Variants in MAPK6 observed in about 807,000 individuals in gnomAD.
MAPK6 encodes the protein ERK-3.
In MAPK6, 19 loss-of-function variants were observed where a neutral mutation model predicts 59.3. The observed-to-expected ratio is 0.32, with a 90% CI of 0.22 to 0.47. The LOEUF (loss-of-function observed/expected upper bound fraction) is 0.47, where lower values mean the gene tolerates loss of function less well. Among genes scored for constraint, MAPK6 ranks in the 20% least tolerant of loss-of-function variants. MAPK6 has a pLI of 1.00. For synonymous variants in MAPK6, 316 were observed against 290.3 expected, an observed-to-expected ratio of 1.09 and a Z score of -0.90; for missense variants, 724 against 847.9, an observed-to-expected ratio of 0.85 and a Z score of 1.81.
intron 1 of MAPK6, among the ~76,000 whole-genome samples, chr15:51,976,123 G>A (rs771982037): frequency 1.7e-4 from 26 of 149,314 alleles, no homozygotes; most frequent in Admixed American, 6.0e-4. Flanking sequence ...AAAATTTGCC[G>A]GGCGTGGTGG....
intron 3 of MAPK6, among the ~76,000 whole-genome samples, chr15:52,011,813 A>C (rs956617843): frequency 2.0e-5 from 3 of 152,222 alleles, no homozygotes; most frequent in African/African-American, 7.2e-5. Context: ...TTGTTTATTT[A>C]CAAATCAAAT....
intron 3 of MAPK6, among the ~76,000 whole-genome samples, chr15:52,052,334 C>T (rs1401313599): frequency 6.6e-6 from 1 of 152,174 alleles, no homozygotes; most frequent in African/African-American, 2.4e-5. Context: ...AATATGGTGG[C>T]TGGCTTCCTC....
chr15:52,013,668 T>C (rs1283062806), intron 3 of MAPK6, among the ~76,000 whole-genome samples: 1 of 152,152 alleles, frequency 6.6e-6, no homozygotes, highest in Non-Finnish European at 1.5e-5. Flanking sequence ...TCTCATGAGA[T>C]ACAGTTTGGT....
intron 3 of MAPK6, chr15:52,011,016 G>A (rs1184566714): frequency 6.6e-6 from 1 of 152,098 alleles, no homozygotes; most frequent in Admixed American, 6.6e-5. Flanking sequence ...CACAGATTCT[G>A]TTTGCAAATT....
chr15:52,050,087 C>T lies in MAPK6; in HGVS notation c.650C>T (p.Ala217Val). The T allele has an allele frequency of 6.2e-7, 1 of 1,612,796 alleles. No individual in the cohort carries two copies. ...TATACTAAAGCCATTGACATGTGGG[C>T]TGCAGGCTGCATCTTTGCTGAAATG... Reference protein sequence around the residue: ...NNYTKAIDMWAAGCIFAEMLT... With the variant: ...NNYTKAIDMWVAGCIFAEMLT... Residue 217 changes from alanine to valine, a missense_variant, in exon 3 of 6, where the codon GCT (alanine) becomes GTT (valine). Ala to Val is a moderately conservative substitution (Grantham distance 64). Around this residue, in one of 4 missense-constraint regions of MAPK6, gnomAD observed 105 missense variants for 191.9 expected, o/e 0.55. Coordinates refer to ENST00000261845, the MANE Select transcript of MAPK6 (RefSeq NM_002748.4).
At chr15:51,996,348 G>C (rs2057224158) in intron 2 of MAPK6, among the ~76,000 whole-genome samples, 2 of 152,170 alleles carry the variant, frequency 1.3e-5, no homozygotes, top group Non-Finnish European at 2.9e-5. Context: ...GTAATTCAGA[G>C]ACTTTGGCTG....
At chr15:52,051,681 C>G (rs1262457152) in intron 3 of MAPK6, among the ~76,000 whole-genome samples, 1 of 151,826 alleles carries the variant, frequency 6.6e-6, no homozygotes, top group African/African-American at 2.4e-5. Context: ...TGAGACCAGG[C>G]TTGCCAACAT....
At chr15:52,000,254 T>G (rs1394328452) in intron 2 of MAPK6, among the ~76,000 whole-genome samples, 1 of 152,214 alleles carries the variant, frequency 6.6e-6, no homozygotes, top group Non-Finnish European at 1.5e-5. Flanking sequence ...TTCACTTTCT[T>G]GATGGGGTCT....
chr15:51,987,672 C>A (rs1333495036), intron 2 of MAPK6, among the ~76,000 whole-genome samples: 1 of 151,972 alleles, frequency 6.6e-6, no homozygotes, highest in African/African-American at 2.4e-5. Flanking sequence ...CCTCCAGTCC[C>A]CTCACAGATT....
At chr15:52,047,410 A>G (rs1397071724) in intron 2 of MAPK6, among the ~76,000 whole-genome samples, 1 of 152,148 alleles carries the variant, frequency 6.6e-6, no homozygotes, top group Admixed American at 6.5e-5. Flanking sequence ...CTGTGGCGCC[A>G]TCTCGGCTCA....
At chr15:52,021,677 T>C (rs1595976240) in intron 1 of MAPK6, 1 of 152,294 alleles carries the variant, frequency 6.6e-6, no homozygotes, top group East Asian at 1.9e-4. Context: ...GATAGTACTT[T>C]TATGGTGTCG....
At chr15:52,022,181 A>C (rs2030561550) in intron 1 of MAPK6, among the ~76,000 whole-genome samples, 1 of 152,156 alleles carries the variant, frequency 6.6e-6, no homozygotes, top group South Asian at 2.1e-4. Flanking sequence ...AAAGAAAAAA[A>C]ATTTCCCACC....
At position 52,019,787 on chromosome 15, in the gene MAPK6, G is replaced by T. The variant is rs902022504; in HGVS notation, c.-632+411G>T. The T allele has an allele frequency of 3.3e-5, 5 of 152,306 alleles. No homozygotes were observed. The South Asian group carries it at 1.0e-3, about 32-fold the overall frequency. 9.4% of individuals were successfully genotyped at this position (152,306 alleles called of 1,614,324 possible). A position where few individuals can be genotyped will look rare whatever the true frequency, so the allele number is the denominator to read the frequency against. ...GGCTCCGCGGGTTCGAAACCCAGCC[G>T]GACCGGACCGGAGGGCGGGCGAGCG... is the stretch of plus-strand genomic sequence containing the variant. On this transcript the variant is annotated intron_variant, in intron 1 of 5. Coordinates refer to ENST00000261845, the MANE Select transcript of MAPK6 (RefSeq NM_002748.4).
chr15:52,003,840 T>G (rs1253008463), intron 2 of MAPK6, among the ~76,000 whole-genome samples: 1 of 152,206 alleles, frequency 6.6e-6, no homozygotes, highest in East Asian at 1.9e-4. Flanking sequence ...GCCAGAAGAA[T>G]TAGTGAGAGA....
intron 1 of MAPK6, among the ~76,000 whole-genome samples, chr15:52,033,210 T>C (rs2031107184): frequency 6.6e-6 from 1 of 152,174 alleles, no homozygotes; most frequent in African/African-American, 2.4e-5. Context: ...TCAACTTGAT[T>C]GGATTGAAGG....
At chr15:51,987,083 T>A (rs2057193152) in intron 2 of MAPK6, among the ~76,000 whole-genome samples, 2 of 152,178 alleles carry the variant, frequency 1.3e-5, no homozygotes, top group Non-Finnish European at 2.9e-5. Flanking sequence ...CAGAAAAAAA[T>A]CTGGACTATT....
upstream of MAPK6, chr15:52,018,811 A>G (rs1219281770): frequency 1.3e-5 from 2 of 152,338 alleles, no homozygotes; most frequent in Non-Finnish European, 2.9e-5. Context: ...ATTGGCCTCT[A>G]ACGCGTCTGT....
chr15:52,010,525 T>G (rs1022057776), intron 3 of MAPK6, among the ~76,000 whole-genome samples: 3 of 148,016 alleles, frequency 2.0e-5, no homozygotes, highest in African/African-American at 5.0e-5. Context: ...TTTTTTTTTT[T>G]TTTTTTTTTT....
Position 52,019,303 on chromosome 15 carries a change from A to G in MAPK6, c.-705A>G, listed in dbSNP as rs2030392773. 6.6e-6 allele frequency: 1 copy of G among 152,112 alleles called. No individual in the cohort carries two copies. The highest frequency in any genetic ancestry group is 2.4e-5 in the African/African-American group (1 of 41,374). 9.4% of individuals were successfully genotyped at this position (152,112 alleles called of 1,614,324 possible). A position where few individuals can be genotyped will look rare whatever the true frequency, so the allele number is the denominator to read the frequency against. On this transcript the variant is annotated 5_prime_UTR_variant, in exon 1 of 6. Coordinates refer to ENST00000261845, the MANE Select transcript of MAPK6 (RefSeq NM_002748.4). ...CCTCGGAGACGCCGCTGCCGCCAGC[A>G]CAGCCGGAGACCTGAGCCGACACTG...
Sources: allele counts gnomAD v4.1 joint callset (sites outside exome capture counted in the v4.1 genomes callset), GRCh38; gene constraint gnomAD v4.1.1; regional missense constraint gnomAD v4.1.1; transcripts MANE v1.5; gene names NCBI Gene and HGNC (gene_info 2026-07-23, HGNC 2026-07-21).